ITSN2: variants seen among roughly 807,000 people sequenced by gnomAD.
ITSN2 encodes intersectin-2.
ITSN2 carries 156 observed loss-of-function variants against 243.7 expected under a neutral mutation model. The ratio of observed to expected loss-of-function variants is 0.64; its 90% CI spans 0.56 to 0.73. The LOEUF is 0.73. Among genes scored for constraint, ITSN2 ranks in the 30% least tolerant of loss-of-function variants. The pLI, the probability that ITSN2 is intolerant of heterozygous loss-of-function variation, is 0.00. For synonymous variants in ITSN2, 703 were observed against 699.9 expected, an observed-to-expected ratio of 1.00 and a Z score of -0.07; for missense variants, 1,801 against 1,996.1, an observed-to-expected ratio of 0.90 and a Z score of 1.86.
intron 1 of ITSN2, among the ~76,000 whole-genome samples, chr2:24,349,755 C>A (rs901294171): frequency 1.3e-5 from 2 of 152,178 alleles, no homozygotes; most frequent in African/African-American, 4.8e-5. Flanking sequence ...CCTACCTCCT[C>A]CCATTTTCTA....
chr2:24,248,728 T>C lies in ITSN2; in HGVS notation c.3189A>G (p.Ala1063=), dbSNP rs375106887. 7.4e-6 allele frequency: 12 copies of C among 1,613,450 alleles called. No individual in the cohort carries two copies. The African/African-American group carries it at 1.2e-4, about 16-fold the overall frequency. Residue 1063 remains alanine (A), a synonymous_variant, in exon 27 of 40, where the codon GCA becomes GCG. Transcript: ENST00000355123. The part of the protein sequence containing the change: ...KKPEIAQVTS[A]YVASGSEQLS... Reference sequence around the variant, plus strand: ...GTTGTTCAGAACCAGAAGCAACATATGCTGAAGTTACCTGAGCAATCTCTG... The same window carrying C: ...GTTGTTCAGAACCAGAAGCAACATACGCTGAAGTTACCTGAGCAATCTCTG...
chr2:24,207,292 G>A (rs760754677), intron 37 of ITSN2, among the ~76,000 whole-genome samples: 8 of 152,056 alleles, frequency 5.3e-5, no homozygotes, highest in Non-Finnish European at 8.8e-5. Flanking sequence ...AGTGGCGAGG[G>A]AGGAGGACTG....
rs149080724 is a variant in ITSN2, at chr2:24,203,686, G to T, written c.5034C>A (p.Pro1678=). ...MTRRLLLHEV[P]TGEVWVRFDL... is the part of the protein sequence containing the mutation. ...CAAAACGGACCCAGACCTCCCCGGT[G>T]GGGACCTCATGCAGCAGCAGTCGGC... Residue 1678 remains proline, a synonymous_variant, in exon 40 of 40, where the codon CCC becomes CCA. Transcript: ENST00000355123. 6.2e-7 allele frequency: 1 copy of T among 1,614,180 alleles called. No homozygotes were observed. The highest frequency in any genetic ancestry group is 8.5e-7 in the Non-Finnish European group (1 of 1,180,028).
At chr2:24,326,368 G>A (rs1246409028) in intron 2 of ITSN2, among the ~76,000 whole-genome samples, 1 of 152,098 alleles carries the variant, frequency 6.6e-6, no homozygotes, top group Non-Finnish European at 1.5e-5. Flanking sequence ...TTATGGAATG[G>A]AAGAAGCAGA....
At position 24,315,206 on chromosome 2, in the gene ITSN2, G is replaced by A; in HGVS notation, c.50C>T (p.Ala17Val). The change falls in exon 3 of 40, where the codon GCT becomes GTT. Residue 17 changes from alanine to valine, a missense_variant. This residue lies in a region of ITSN2 where 77 missense variants were observed against 90.1 expected (regional missense o/e 0.85). Coordinates refer to ENST00000355123, the MANE Select transcript of ITSN2 (RefSeq NM_006277.3). The stretch of plus-strand genomic sequence containing the variant: ...CTTAGTACGTTCTTCAGAGGTAATA[G>A]CCCACATGTTTGGCCCTCCTGAAAC... ...TAMNGGPNMW[A>V]ITSEERTKHD... 6.2e-7 allele frequency: 1 copy of A among 1,610,990 alleles called. No homozygotes were observed.
At chr2:24,277,420 A>G (rs1678149275) in intron 17 of ITSN2, among the ~76,000 whole-genome samples, 1 of 152,208 alleles carries the variant, frequency 6.6e-6, no homozygotes, top group African/African-American at 2.4e-5. Context: ...CTGTCCAGAG[A>G]CTATGTCCAA....
At chr2:24,239,409 C>T (rs1672494912) in intron 29 of ITSN2, 1 of 151,750 alleles carries the variant, frequency 6.6e-6, no homozygotes, top group Non-Finnish European at 1.5e-5. Flanking sequence ...TTTAAAATGA[C>T]TCTTTAAGAT....
At chr2:24,337,343 T>TATATATATATAC (rs1558650809) in intron 1 of ITSN2, among the ~76,000 whole-genome samples, 8 of 119,514 alleles carry the variant, frequency 6.7e-5, no homozygotes, top group African/African-American at 2.5e-4. Flanking sequence ...TATATATATA[T>TATATATATATAC]ATATATATAT....
rs962265600 is a variant in ITSN2 at position 24,225,914 on chromosome 2, A to G, written c.3578-4848T>C. On this transcript the variant is annotated intron_variant, in intron 29 of 39. Coordinates refer to ENST00000355123, the MANE Select transcript of ITSN2 (RefSeq NM_006277.3). This position sits in a 1 kb window ranked among gnomAD's most constrained non-coding sequence, Gnocchi z 4.2. ...AATTCGGGTTTTATGGATAGGATAC[A>G]CCCCTTTGCCACTCTCTATACCTGC... 6.6e-6 allele frequency among the ~76,000 whole-genome samples: 1 copy of G among 151,846 alleles called. No individual in the cohort carries two copies. Among genetic ancestry groups the G allele is most frequent in the African/African-American group, 2.4e-5 (1 of 41,332 alleles).
chr2:24,273,076 G>A (rs1326268409), intron 18 of ITSN2, among the ~76,000 whole-genome samples: 1 of 152,130 alleles, frequency 6.6e-6, no homozygotes, highest in Non-Finnish European at 1.5e-5. Flanking sequence ...CTTCCAAAGT[G>A]GGAACCTTGG....
intron 31 of ITSN2, among the ~76,000 whole-genome samples, chr2:24,216,725 G>T (rs1421498370): frequency 6.6e-6 from 1 of 151,434 alleles, no homozygotes; most frequent in Non-Finnish European, 1.5e-5. Flanking sequence ...CCACTGCACT[G>T]CAGCTTGGGT....
chr2:24,261,517 C>T (rs1299945747), intron 21 of ITSN2, 44 bp downstream of exon 21: 63 of 1,422,108 alleles, frequency 4.4e-5, no homozygotes, highest in Non-Finnish European at 6.1e-5. Flanking sequence ...GGTATTTACA[C>T]ATTTGCAGAT....
At position 24,270,746 on chromosome 2, in the gene ITSN2, C is replaced by T. The variant is rs780513042; in HGVS notation, c.2280G>A (p.Val760=). The T allele has an allele frequency of 1.9e-6, 3 of 1,590,736 alleles. No individual in the cohort carries two copies. Among genetic ancestry groups the T allele is most frequent in the Admixed American group, 1.7e-5 (1 of 59,056 alleles). Residue 760 remains valine (V), a synonymous_variant, in exon 20 of 40, where the codon GTG becomes GTA. Transcript: ENST00000355123. The part of the protein sequence containing the change: ...EKKRETASVL[V]NYRALYPFEA... ...CAAAGGGGTATAATGCTCTATAATT[C>T]ACCAAAACACTAGCTGTCTCACCTA...
intron 1 of ITSN2, among the ~76,000 whole-genome samples, chr2:24,343,412 A>C (rs1687230218): frequency 6.6e-6 from 1 of 152,152 alleles, no homozygotes; most frequent in Non-Finnish European, 1.5e-5. Flanking sequence ...CACAGTGAAT[A>C]AGTAATCTTC....
rs1183609295 is a variant in ITSN2 at position 24,282,070 on chromosome 2, G to A, written c.1944+2693C>T. Among the ~76,000 whole-genome samples the A allele has an allele frequency of 2.6e-5, 4 of 152,242 alleles. No individual in the cohort carries two copies. The East Asian group carries it at 5.8e-4, about 22-fold the overall frequency. ...CGGGCCTATGCCCATGAACCTAGGT[G>A]AGGACAGGCACTCCTGCCTTTGCAC... On this transcript the variant is annotated intron_variant, in intron 17 of 39. Coordinates refer to ENST00000355123, the MANE Select transcript of ITSN2 (RefSeq NM_006277.3).
Position 24,209,852 on chromosome 2 carries a change from G to C in ITSN2, c.4439C>G (p.Ser1480Trp). The C allele has an allele frequency of 1.2e-6, 2 of 1,614,126 alleles. No individual in the cohort carries two copies. Among genetic ancestry groups the C allele is most frequent in the South Asian group, 2.2e-5 (2 of 91,074 alleles). The change falls in exon 35 of 40, where the codon TCG becomes TGG. Residue 1480 changes from serine (S) to tryptophan (W), a missense_variant. Physicochemically the swap from Ser to Trp is radical, Grantham distance 177 (BLOSUM62 -3). This residue lies in a region of ITSN2 where 928 missense variants were observed against 1,065.4 expected (regional missense o/e 0.87). Coordinates refer to ENST00000355123, the MANE Select transcript of ITSN2 (RefSeq NM_006277.3). ...CATTTTGAATTGAGCATTGGACTTC[G>C]AGCTGAAAAGTTTCTCAGAGCCAGA... is the stretch of plus-strand genomic sequence containing the variant. ...VSSGSEKLFS[S>W]KSNAQFKMYK...
At chr2:24,212,960 C>G (rs569106961) in intron 32 of ITSN2, among the ~76,000 whole-genome samples, 7 of 152,120 alleles carry the variant, frequency 4.6e-5, no homozygotes, top group Admixed American at 4.6e-4. Context: ...AATTTTGCTA[C>G]ACTGATATGT....
chr2:24,333,936 C>A (rs1686058935), intron 1 of ITSN2, among the ~76,000 whole-genome samples: 1 of 152,216 alleles, frequency 6.6e-6, no homozygotes, highest in Non-Finnish European at 1.5e-5. Flanking sequence ...GTCACTCAGA[C>A]TGGAGTGCAG....
At chr2:24,270,551 T>C (rs981786041) in intron 20 of ITSN2, 120 bp downstream of exon 20, 4 of 605,126 alleles carry the variant, frequency 6.6e-6, no homozygotes, top group Admixed American at 6.3e-5. Context: ...AATGAGGTAA[T>C]GTTTAAGAAA....
Sources: allele counts gnomAD v4.1 joint callset (sites outside exome capture counted in the v4.1 genomes callset), GRCh38; gene constraint gnomAD v4.1.1; regional missense constraint gnomAD v4.1.1; non-coding constraint Gnocchi (gnomAD v3.1); transcripts MANE v1.5; gene names NCBI Gene and HGNC (gene_info 2026-07-23, HGNC 2026-07-21).